SPINDOC: variants seen among roughly 807,000 people sequenced by gnomAD.
SPINDOC encodes spindlin interactor and repressor of chromatin-binding protein.
A neutral mutation model predicts 30.7 loss-of-function variants in SPINDOC; 13 were observed. That is an observed-to-expected ratio of 0.42 (90% CI 0.28 to 0.67). The LOEUF is 0.67. SPINDOC is among the 30% of genes least tolerant of loss of function. The pLI is 0.22. For synonymous variants in SPINDOC, 228 were observed against 211.4 expected (o/e 1.08, Z -0.68); for missense variants, 438 against 518.0 (o/e 0.85, Z 1.50).
intron 5 of SPINDOC, among the ~76,000 whole-genome samples, chr11:63,824,258 C>G (rs1163761176): frequency 6.6e-6 from 1 of 152,100 alleles, no homozygotes; most frequent in Non-Finnish European, 1.5e-5. Context: ...ATCACTCACT[C>G]CTTCCTGGAG....
chr11:63,821,095 G>A (rs1489832657), intron 5 of SPINDOC, among the ~76,000 whole-genome samples: 1 of 152,082 alleles, frequency 6.6e-6, no homozygotes, highest in Non-Finnish European at 1.5e-5. Context: ...AGTTCTGGAG[G>A]TCAGAGGTCC....
intron 5 of SPINDOC, among the ~76,000 whole-genome samples, chr11:63,825,730 G>C (rs2015640219): frequency 6.6e-6 from 1 of 152,124 alleles, no homozygotes; most frequent in African/African-American, 2.4e-5. Context: ...AATAGCATTT[G>C]GTAGGTGATA....
In SPINDOC at chr11:63,819,600, G is replaced by T. The variant is rs890715066; in HGVS notation, c.934+598G>T. On this transcript the variant is annotated intron_variant, in intron 5 of 5. Coordinates refer to ENST00000294244, the MANE Select transcript of SPINDOC (RefSeq NM_138471.3). ...CATCCTCTGCTTCCCAGGTTCAAGCGATTCTCCTGCCTCACCCTCCTGAGT... is the reference window on the plus strand; with the variant it reads ...CATCCTCTGCTTCCCAGGTTCAAGCTATTCTCCTGCCTCACCCTCCTGAGT... Among the ~76,000 whole-genome samples the T allele has an allele frequency of 2.0e-5, 3 of 148,290 alleles. 1 individual carries two copies. The highest frequency in any genetic ancestry group is 4.3e-4 in the South Asian group (2 of 4,638).
At position 63,827,405 on chromosome 11, in the gene SPINDOC, C is replaced by A; in HGVS notation, c.*266C>A. 1 of 555,024 alleles carries A rather than the reference C, an allele frequency of 1.8e-6. No individual in the cohort carries two copies. Among genetic ancestry groups the A allele is most frequent in the Non-Finnish European group, 3.2e-6 (1 of 310,370 alleles). 34.4% of individuals were successfully genotyped at this position (555,024 alleles called of 1,614,324 possible). ...ACACCTACCCCAGTCCTTCGCTGAC[C>A]CCCACCTCTGTTTGTCCCCCATGAC... On this transcript the variant is annotated 3_prime_UTR_variant, in exon 6 of 6. Coordinates refer to ENST00000294244, the MANE Select transcript of SPINDOC (RefSeq NM_138471.3).
At position 63,817,969 on chromosome 11, in the gene SPINDOC, A is replaced by T; in HGVS notation, c.292A>T (p.Ile98Phe). Residue 98 changes from isoleucine (I) to phenylalanine (F), a missense_variant, in exon 2 of 6, where the codon ATC becomes TTC. Transcript: ENST00000294244. ...ACTGTGCATGGTGTGTGGCGCTGAG[A>T]TCCGGGCACCCTCGGCCGACACAGC... is the stretch of plus-strand genomic sequence containing the variant. ...RALCMVCGAE[I>F]RAPSADTARS... The T allele has an allele frequency of 6.2e-7, 1 of 1,614,112 alleles. No individual in the cohort carries two copies. The highest frequency in any genetic ancestry group is 8.5e-7 in the Non-Finnish European group (1 of 1,180,026).
chr11:63,824,020 T>C (rs2015594680), intron 5 of SPINDOC, among the ~76,000 whole-genome samples: 1 of 151,852 alleles, frequency 6.6e-6, no homozygotes. Context: ...CGATTCTCCT[T>C]CCTCAGCCTC....
intron 5 of SPINDOC, among the ~76,000 whole-genome samples, chr11:63,825,027 C>T (rs867927541): frequency 5.3e-5 from 8 of 152,202 alleles, no homozygotes; most frequent in Admixed American, 1.3e-4. Context: ...GGCCGGCTCT[C>T]GCCTGGTTCC....
At chr11:63,826,747 C>T (rs1042849075) in intron 5 of SPINDOC, among the ~76,000 whole-genome samples, 181 bp from the exon 6 acceptor site, 4 of 152,202 alleles carry the variant, frequency 2.6e-5, no homozygotes, top group Admixed American at 2.0e-4. Context: ...GGCAGCAGTC[C>T]TCGATCACCC....
chr11:63,822,579 C>CTCGAGGCAG (rs1232609074), intron 5 of SPINDOC: 10 of 1,287,466 alleles, frequency 7.8e-6, no homozygotes, highest in Non-Finnish European at 1.0e-5. Context: ...GTTTTCTGAT[C>CTCGAGGCAG]TCGAGGCAGG....
rs773575397 is a variant in SPINDOC at position 63,827,104 on chromosome 11, G to A, written c.1111G>A (p.Val371Met). The A allele has an allele frequency of 6.8e-6, 11 of 1,614,022 alleles. No individual in the cohort carries two copies. The African/African-American group carries it at 1.5e-4, about 22-fold the overall frequency. Residue 371 changes from valine (V) to methionine (M), a missense_variant, in exon 6 of 6, where the codon GTG (valine) becomes ATG (methionine). Physicochemically the swap from Val to Met is conservative, Grantham distance 21. This residue lies in a region of SPINDOC where 300 missense variants were observed against 332.8 expected (regional missense o/e 0.90). Transcript: ENST00000294244. Reference sequence around the variant, plus strand: ...AGTTCTGTCAGAATCCAGCACCACTGTGGCAGGGAAGCCGGAAAAAGGGAA... The same window carrying A: ...AGTTCTGTCAGAATCCAGCACCACTATGGCAGGGAAGCCGGAAAAAGGGAA... ...PTVLSESSTTVAGKPEKGNGV is the reference protein window; with the variant it reads ...PTVLSESSTTMAGKPEKGNGV
rs145481855 is a variant in SPINDOC, at chr11:63,825,766, A to G, written c.935-1162A>G. Among the ~76,000 whole-genome samples the G allele has an allele frequency of 1.2e-3, 179 of 152,274 alleles. 2 individuals carry two copies. The highest frequency in any genetic ancestry group is 4.1e-3 in the African/African-American group (172 of 41,546). On this transcript the variant is annotated intron_variant, in intron 5 of 5. Coordinates refer to ENST00000294244, the MANE Select transcript of SPINDOC (RefSeq NM_138471.3). ...AAAATGGGGTGGCAGCCACTAAGTC[A>G]TTTTAAATTCCAGCACATCGCACAG...
chr11:63,821,856 C>T (rs2015531143), intron 5 of SPINDOC, among the ~76,000 whole-genome samples: 1 of 152,138 alleles, frequency 6.6e-6, no homozygotes, highest in South Asian at 2.1e-4. Flanking sequence ...TCAAGCAGTC[C>T]TCCTGCCACA....
At position 63,827,403 on chromosome 11, in the gene SPINDOC, A is replaced by ACC; in HGVS notation, c.*268_*269dup. 1 of 539,810 alleles carries ACC rather than the reference A, an allele frequency of 1.9e-6. No homozygotes were observed. The highest frequency in any genetic ancestry group is 2.2e-5 in the South Asian group (1 of 46,020). The allele number at this position is 539,810 out of a possible 1,614,324, so 33.4% of individuals were successfully genotyped here. Reference sequence around the variant, plus strand: ...GAACACCTACCCCAGTCCTTCGCTGACCCCCACCTCTGTTTGTCCCCCATG... The same window carrying ACC: ...GAACACCTACCCCAGTCCTTCGCTGACCCCCCCACCTCTGTTTGTCCCCCATG... On this transcript the variant is annotated 3_prime_UTR_variant, in exon 6 of 6. Coordinates refer to ENST00000294244, the MANE Select transcript of SPINDOC (RefSeq NM_138471.3).
At chr11:63,822,581 C>T (rs1420689220) in intron 5 of SPINDOC, 25 of 1,287,548 alleles carry the variant, frequency 1.9e-5, no homozygotes, top group Middle Eastern at 2.1e-4. Flanking sequence ...TTTCTGATCT[C>T]GAGGCAGGCC....
chr11:63,822,538 TTTTG>T (rs2015553429), intron 5 of SPINDOC: 9 of 1,157,998 alleles, frequency 7.8e-6, no homozygotes, highest in African/African-American at 3.2e-5. Context: ...GTGTAGTTGC[TTTTG>T]TTTATTTGCC....
chr11:63,826,250 C>G (rs527523472), intron 5 of SPINDOC, among the ~76,000 whole-genome samples: 10 of 152,150 alleles, frequency 6.6e-5, no homozygotes, highest in Non-Finnish European at 1.2e-4. Flanking sequence ...TGTAACGTAA[C>G]CTTTGCACAC....
Position 63,817,979 on chromosome 11 carries a change from C to T in SPINDOC, c.302C>T (p.Pro101Leu), listed in dbSNP as rs748154281. 1.2e-6 allele frequency: 2 copies of T among 1,614,158 alleles called. No homozygotes were observed. The highest frequency in any genetic ancestry group is 8.5e-7 in the Non-Finnish European group (1 of 1,180,020). Reference sequence around the variant, plus strand: ...GTGTGTGGCGCTGAGATCCGGGCACCCTCGGCCGACACAGCTCGCTCGCAC... The same window carrying T: ...GTGTGTGGCGCTGAGATCCGGGCACTCTCGGCCGACACAGCTCGCTCGCAC... Reference protein sequence around the residue: ...CMVCGAEIRAPSADTARSHIL... With the variant: ...CMVCGAEIRALSADTARSHIL... The change falls in exon 2 of 6, where the codon CCC (proline) becomes CTC (leucine). Residue 101 changes from proline (P) to leucine (L), a missense_variant. This residue lies in a region of SPINDOC where 129 missense variants were observed against 152.7 expected (regional missense o/e 0.84). Transcript: ENST00000294244.
intron 5 of SPINDOC, among the ~76,000 whole-genome samples, chr11:63,825,268 G>A (rs553346127): frequency 2.6e-5 from 4 of 152,148 alleles, no homozygotes; most frequent in South Asian, 4.1e-4. Flanking sequence ...CCCGCTCCCC[G>A]CACAGGCACT....
At chr11:63,814,526 C>T (rs2015287785) in intron 1 of SPINDOC, among the ~76,000 whole-genome samples, 1 of 152,200 alleles carries the variant, frequency 6.6e-6, no homozygotes, top group Admixed American at 6.5e-5. Flanking sequence ...TTCTAGTCCT[C>T]AGGAGCTTGC....
Sources: allele counts gnomAD v4.1 joint callset (sites outside exome capture counted in the v4.1 genomes callset), GRCh38; gene constraint gnomAD v4.1.1; regional missense constraint gnomAD v4.1.1; transcripts MANE v1.5; gene names NCBI Gene and HGNC (gene_info 2026-07-23, HGNC 2026-07-21).